FARS2: variants seen among roughly 807,000 people sequenced by gnomAD.
The protein encoded by FARS2 is phenylalanyl-tRNA synthetase 2, mitochondrial.
FARS2 carries 40 observed loss-of-function variants against 46.4 expected under a neutral mutation model. The observed-to-expected ratio is 0.86, with a 90% CI of 0.67 to 1.12. The LOEUF (loss-of-function observed/expected upper bound fraction) is 1.12, where lower values mean the gene tolerates loss of function less well. Among genes scored for constraint, FARS2 ranks in the 50% most tolerant of loss-of-function variants. The probability of loss-of-function intolerance (pLI) is 0.00; values close to 1 mark genes in which losing one functional copy is unlikely to be tolerated. For synonymous variants in FARS2, 234 were observed against 214.9 expected (o/e 1.09, Z -0.78); for missense variants, 513 against 567.9 (o/e 0.90, Z 0.98).
chr6:5,483,408 G>T (rs548431016), intron 4 of FARS2, among the ~76,000 whole-genome samples: 163 of 152,242 alleles, frequency 1.1e-3, no homozygotes, highest in Non-Finnish European at 1.8e-3. Flanking sequence ...GCCAGGCCTG[G>T]TGGCTCATGG....
chr6:5,444,293 C>T (rs188592511), intron 4 of FARS2, among the ~76,000 whole-genome samples: 27 of 151,768 alleles, frequency 1.8e-4, no homozygotes, highest in African/African-American at 5.3e-4. Flanking sequence ...ATGGTGAAGC[C>T]CCGTCTCTAC....
At chr6:5,299,667 A>G (rs1260404324) in intron 1 of FARS2, among the ~76,000 whole-genome samples, 1 of 152,048 alleles carries the variant, frequency 6.6e-6, no homozygotes, top group East Asian at 1.9e-4. Flanking sequence ...TATGTCTCCT[A>G]ATGCTATCCC....
chr6:5,308,786 A>G (rs1212039801), intron 1 of FARS2, among the ~76,000 whole-genome samples: 1 of 152,222 alleles, frequency 6.6e-6, no homozygotes, highest in African/African-American at 2.4e-5. Context: ...CTAACAAAAT[A>G]TCATAAACTG....
At chr6:5,589,063 G>A (rs73718312) in intron 5 of FARS2, among the ~76,000 whole-genome samples, 4,361 of 152,260 alleles carry the variant, frequency 0.029, 209 homozygotes, top group African/African-American at 0.098. Context: ...CAGCTCCACG[G>A]TGATGGGTGT....
At chr6:5,350,642 T>C (rs1284569975) in intron 1 of FARS2, among the ~76,000 whole-genome samples, 2 of 152,218 alleles carry the variant, frequency 1.3e-5, no homozygotes, top group Non-Finnish European at 2.9e-5. Context: ...CACTGTACTT[T>C]GACCTAAACC....
intron 6 of FARS2, among the ~76,000 whole-genome samples, chr6:5,654,337 A>G (rs1366882315): frequency 1.3e-5 from 2 of 152,302 alleles, no homozygotes; most frequent in African/African-American, 4.8e-5. Flanking sequence ...CTGTTACAGT[A>G]TTCACTGATA....
chr6:5,288,693 G>A (rs1468778810), intron 1 of FARS2, among the ~76,000 whole-genome samples: 1 of 152,110 alleles, frequency 6.6e-6, no homozygotes, highest in Non-Finnish European at 1.5e-5. Flanking sequence ...CAAAATCCCT[G>A]CTCTCATGCA....
rs115775657 is a variant in FARS2, at chr6:5,770,763, C to G, written c.1218-528C>G. Among the ~76,000 whole-genome samples the G allele has an allele frequency of 4.6e-5, 7 of 152,348 alleles. No homozygotes were observed. In the East Asian group the frequency reaches 1.2e-3, roughly 25 times the overall value. Reference sequence around the variant, plus strand: ...AGTAATTCTCTACACAGCACATACACGGCATATATGGCCTGTATGCTTCCT... The same window carrying G: ...AGTAATTCTCTACACAGCACATACAGGGCATATATGGCCTGTATGCTTCCT... On this transcript the variant is annotated intron_variant, in intron 6 of 6. Coordinates refer to ENST00000274680, the MANE Select transcript of FARS2 (RefSeq NM_006567.5).
chr6:5,252,383 C>T, the FARS2 span, among the ~76,000 whole-genome samples: 12 of 152,200 alleles, frequency 7.9e-5, no homozygotes, highest in African/African-American at 1.4e-4. Flanking sequence ...AAACCTATTT[C>T]GTTACTTACT....
intron 4 of FARS2, among the ~76,000 whole-genome samples, chr6:5,436,574 A>G (rs576156289): frequency 6.6e-6 from 1 of 152,362 alleles, no homozygotes; most frequent in Non-Finnish European, 1.5e-5. Context: ...GTTAGAACAT[A>G]GTCATGCATA....
At chr6:5,431,532 C>A in intron 4 of FARS2, 1 of 433,884 alleles carries the variant, frequency 2.3e-6, no homozygotes, top group South Asian at 1.7e-5. Flanking sequence ...AGAACAAAGA[C>A]AATGCATAAT....
intron 6 of FARS2, among the ~76,000 whole-genome samples, chr6:5,622,551 G>A (rs551126790): frequency 9.9e-5 from 15 of 152,168 alleles, no homozygotes; most frequent in East Asian, 1.9e-4. Flanking sequence ...AATGGGATTC[G>A]TGCCCTTATA....
chr6:5,473,745 C>G lies in FARS2; in HGVS notation c.904+42573C>G, dbSNP rs368394483. ...AGGCTAAATTGGATTATCTTTGTTA[C>G]TTGCATTTTTACCTGATCTACCCAG... is the stretch of plus-strand genomic sequence containing the variant. On this transcript the variant is annotated intron_variant, in intron 4 of 6. Coordinates refer to ENST00000274680, the MANE Select transcript of FARS2 (RefSeq NM_006567.5). Among the ~76,000 whole-genome samples the G allele has an allele frequency of 2.6e-5, 4 of 152,068 alleles. No homozygotes were observed. The East Asian group carries it at 5.8e-4, about 22-fold the overall frequency.
intron 1 of FARS2, among the ~76,000 whole-genome samples, chr6:5,281,841 A>G (rs996220280): frequency 2.0e-5 from 3 of 152,202 alleles, no homozygotes; most frequent in Admixed American, 2.0e-4. Context: ...AAACCATTCA[A>G]TTTAGTCAGT....
rs58377881 is a variant in FARS2 at position 5,660,650 on chromosome 6, G to GAA, written c.1217+47348_1217+47349dup. ...GACAATAGAGTGAGACCCTGTCTCAGAAAAAAAAAAAAAAAAAAAGTAACA... is the reference window on the plus strand; with the variant it reads ...GACAATAGAGTGAGACCCTGTCTCAGAAAAAAAAAAAAAAAAAAAAAGTAACA... On this transcript the variant is annotated intron_variant, in intron 6 of 6. Coordinates refer to ENST00000274680, the MANE Select transcript of FARS2 (RefSeq NM_006567.5). Among the ~76,000 whole-genome samples the GAA allele has an allele frequency of 9.7e-3, 1,009 of 104,088 alleles. 15 individuals carry two copies. Among genetic ancestry groups the GAA allele is most frequent in the African/African-American group, 0.037 (959 of 25,938 alleles). The allele number at this position is 104,088 out of a possible 152,430, so 68.3% of individuals were successfully genotyped here.
At chr6:5,598,085 T>C (rs1161709793) in intron 5 of FARS2, among the ~76,000 whole-genome samples, 4 of 152,104 alleles carry the variant, frequency 2.6e-5, no homozygotes, top group Non-Finnish European at 5.9e-5. Context: ...TGATGTTTTC[T>C]CTTAAAAATT....
At chr6:5,371,126 A>G (rs1474694359) in intron 2 of FARS2, 1 of 897,466 alleles carries the variant, frequency 1.1e-6, no homozygotes, top group East Asian at 1.2e-4. Flanking sequence ...ACTCCTTTCT[A>G]CGTGGGACCT....
At chr6:5,370,639 T>G (rs1315019287) in intron 2 of FARS2, among the ~76,000 whole-genome samples, 1 of 152,162 alleles carries the variant, frequency 6.6e-6, no homozygotes, top group Non-Finnish European at 1.5e-5. Context: ...TGCTCTGATT[T>G]GTAAGCCTGC....
At chr6:5,750,599 G>A (rs1342640013) in intron 6 of FARS2, among the ~76,000 whole-genome samples, 3 of 152,162 alleles carry the variant, frequency 2.0e-5, no homozygotes, top group South Asian at 2.1e-4. Context: ...GGAGGAAGAA[G>A]GGATCAATGG....
Sources: allele counts gnomAD v4.1 joint callset (sites outside exome capture counted in the v4.1 genomes callset), GRCh38; gene constraint gnomAD v4.1.1; transcripts MANE v1.5; gene names NCBI Gene and HGNC (gene_info 2026-07-23, HGNC 2026-07-21).